Variants in ARB2A observed in about 807,000 individuals in gnomAD.
The protein encoded by ARB2A is cotranscriptional regulator ARB2A.
chr5:94,063,310 T>C, the ARB2A span, among the ~76,000 whole-genome samples: 7 of 152,090 alleles, frequency 4.6e-5, no homozygotes, highest in Non-Finnish European at 5.9e-5. Flanking sequence ...GCCCATCCAA[T>C]TGCTGCTACC....
the ARB2A span, among the ~76,000 whole-genome samples, chr5:93,715,595 A>G: frequency 6.6e-6 from 1 of 151,524 alleles, no homozygotes; most frequent in Non-Finnish European, 1.5e-5. Flanking sequence ...AGTGTCACCT[A>G]ACACAAACCA....
At chr5:93,916,910 GA>G in the ARB2A span, among the ~76,000 whole-genome samples, 1 of 151,962 alleles carries the variant, frequency 6.6e-6, no homozygotes, top group Non-Finnish European at 1.5e-5. Context: ...ATTTTACAAA[GA>G]AAAGTATAAA....
the ARB2A span, among the ~76,000 whole-genome samples, chr5:94,079,914 T>C: frequency 4.6e-5 from 7 of 152,178 alleles, no homozygotes; most frequent in Non-Finnish European, 8.8e-5. Context: ...ATCATCTGTT[T>C]AGGTATTGCA....
chr5:93,816,340 C>A, the ARB2A span, among the ~76,000 whole-genome samples: 7 of 152,216 alleles, frequency 4.6e-5, no homozygotes, highest in Non-Finnish European at 1.0e-4. Context: ...CAATCATAGT[C>A]TCATATTTGC....
chr5:93,771,952 C>T, the ARB2A span, among the ~76,000 whole-genome samples: 1 of 152,202 alleles, frequency 6.6e-6, no homozygotes, highest in African/African-American at 2.4e-5. Flanking sequence ...CATCCCATTA[C>T]TGGGTATATA....
chr5:93,985,366 C>CCTCTCT, the ARB2A span, among the ~76,000 whole-genome samples: 1 of 151,436 alleles, frequency 6.6e-6, no homozygotes, highest in Non-Finnish European at 1.5e-5. Flanking sequence ...ATGCCCTCTC[C>CCTCTCT]CTCTCTCTCT....
chr5:93,971,613 A>T, the ARB2A span, among the ~76,000 whole-genome samples: 6 of 93,354 alleles, frequency 6.4e-5, no homozygotes, highest in Non-Finnish European at 1.2e-4. Flanking sequence ...AATAAATAAA[A>T]CAAAAATACA....
the ARB2A span, among the ~76,000 whole-genome samples, chr5:93,957,199 T>C: frequency 6.6e-6 from 1 of 152,154 alleles, no homozygotes; most frequent in Non-Finnish European, 1.5e-5. Context: ...GTTTTCCATA[T>C]AGACTTTCCC....
chr5:94,060,628 A>C, the ARB2A span, among the ~76,000 whole-genome samples: 2 of 152,206 alleles, frequency 1.3e-5, no homozygotes, highest in Non-Finnish European at 2.9e-5. Context: ...TCCAGTAAAT[A>C]AAACAGAGGT....
the ARB2A span, among the ~76,000 whole-genome samples, chr5:93,963,204 T>C: frequency 6.6e-6 from 1 of 151,954 alleles, no homozygotes; most frequent in Admixed American, 6.6e-5. Flanking sequence ...ATATATACTT[T>C]AAATGAAGTA....
the ARB2A span, among the ~76,000 whole-genome samples, chr5:93,634,507 A>G: frequency 6.6e-6 from 1 of 152,284 alleles, no homozygotes; most frequent in Admixed American, 6.5e-5. Flanking sequence ...GATGAGGTGG[A>G]CTCAGGTGGC....
chr5:93,968,143 A>G, the ARB2A span, among the ~76,000 whole-genome samples: 1 of 152,176 alleles, frequency 6.6e-6, no homozygotes, highest in African/African-American at 2.4e-5. Flanking sequence ...GATATATGAT[A>G]TCAGGCTTTC....
the ARB2A span, among the ~76,000 whole-genome samples, chr5:93,931,729 GCAGT>G: frequency 2.0e-5 from 3 of 150,946 alleles, no homozygotes; most frequent in South Asian, 6.3e-4. Flanking sequence ...CATGTAACCA[GCAGT>G]CAGATTAAAA....
chr5:94,003,172 A>C, the ARB2A span, among the ~76,000 whole-genome samples: 1 of 152,190 alleles, frequency 6.6e-6, no homozygotes, highest in Non-Finnish European at 1.5e-5. Flanking sequence ...TTCCTTTTTG[A>C]AACCAAAATA....
At chr5:93,784,739 T>C in the ARB2A span, among the ~76,000 whole-genome samples, 1 of 152,178 alleles carries the variant, frequency 6.6e-6, no homozygotes, top group Non-Finnish European at 1.5e-5. Flanking sequence ...GCAGCTCTAT[T>C]ATTTTCCATG....
chr5:93,692,564 T>A, the ARB2A span, among the ~76,000 whole-genome samples: 2 of 152,196 alleles, frequency 1.3e-5, no homozygotes, highest in African/African-American at 4.8e-5. Flanking sequence ...CTTAGAGCCC[T>A]ACAAAGAGAC....
the ARB2A span, among the ~76,000 whole-genome samples, chr5:93,829,103 G>A: frequency 2.0e-4 from 31 of 152,160 alleles, no homozygotes; most frequent in African/African-American, 7.5e-4. Context: ...TGACATTCAA[G>A]GCCGTTTGTA....
chr5:94,048,404 T>C, the ARB2A span, among the ~76,000 whole-genome samples: 1 of 152,078 alleles, frequency 6.6e-6, no homozygotes, highest in Non-Finnish European at 1.5e-5. Context: ...ATTGAATATA[T>C]TTAGGTTATA....
the ARB2A span, among the ~76,000 whole-genome samples, chr5:93,916,195 G>A: frequency 6.6e-6 from 1 of 152,182 alleles, no homozygotes; most frequent in South Asian, 2.1e-4. Flanking sequence ...TTCTATCATT[G>A]TGAATTGTGA....
Sources: gnomAD v4.1 joint callset for allele counts (sites outside exome capture counted in the v4.1 genomes callset) on GRCh38, gnomAD v4.1.1 for gene constraint, MANE v1.5 for transcripts, NCBI Gene and HGNC (gene_info 2026-07-23, HGNC 2026-07-21) for gene names.